Variants in CRACDL observed in about 807,000 individuals in gnomAD.
CRACDL encodes the protein CRACD-like protein.
In CRACDL, 26 loss-of-function variants were observed where a neutral mutation model predicts 70.6. That is an observed-to-expected ratio of 0.37 (90% confidence interval 0.27 to 0.51). CRACDL has a LOEUF of 0.51. Ranked by LOEUF, CRACDL falls within the 20% of genes least tolerant of loss-of-function variation. The pLI is 0.94. For synonymous variants in CRACDL, 618 were observed against 615.2 expected (o/e 1.00, Z -0.07); for missense variants, 1,283 against 1,376.9 (o/e 0.93, Z 1.08).
At chr2:98,854,863 G>C (rs1206388743) in intron 1 of CRACDL, among the ~76,000 whole-genome samples, 1 of 152,230 alleles carries the variant, frequency 6.6e-6, no homozygotes, top group Non-Finnish European at 1.5e-5. Flanking sequence ...TCCAGGACTG[G>C]AGAATGAGGA....
intron 1 of CRACDL, among the ~76,000 whole-genome samples, chr2:98,897,034 T>C (rs894030606): frequency 1.1e-4 from 17 of 152,166 alleles, no homozygotes; most frequent in African/African-American, 3.9e-4. Context: ...TGTAGAGTCA[T>C]GTAGCCACCA....
chr2:98,888,711 A>G lies in CRACDL; in HGVS notation c.-10-41901T>C, dbSNP rs1244574290. On this transcript the variant is annotated intron_variant, in intron 1 of 9. Coordinates refer to ENST00000397899, the MANE Select transcript of CRACDL (RefSeq NM_207362.3). ...AAATCACTCAAATACTCCAATTAAA[A>G]GGCAGAGGTTAATAGAATAAAATTT... Among the ~76,000 whole-genome samples the G allele has an allele frequency of 3.9e-5, 6 of 152,252 alleles. 1 individual carries two copies. The highest frequency in any genetic ancestry group is 3.9e-4 in the Admixed American group (6 of 15,286).
At position 98,807,868 on chromosome 2, in the gene CRACDL, T is replaced by C. The variant is rs1185220648; in HGVS notation, c.2417-10331A>G. ...CAGAAAGGTGAAGTATTATGGTGCC[T>C]TGACACCCAAGCCATTTTTGGGAAG... On this transcript the variant is annotated intron_variant, in intron 7 of 9. Transcript: ENST00000397899. Among the ~76,000 whole-genome samples the C allele has an allele frequency of 3.9e-5, 6 of 152,268 alleles. No homozygotes were observed. In the East Asian group the frequency reaches 1.2e-3, roughly 29 times the overall value.
chr2:98,826,221 A>AG (rs1705295102), intron 6 of CRACDL, among the ~76,000 whole-genome samples: 1 of 152,198 alleles, frequency 6.6e-6, no homozygotes. Flanking sequence ...ACACCCAAAG[A>AG]GGGGTCTGTC....
At chr2:98,837,339 G>A (rs1342852876) in intron 3 of CRACDL, among the ~76,000 whole-genome samples, 3 of 151,954 alleles carry the variant, frequency 2.0e-5, no homozygotes, top group Non-Finnish European at 2.9e-5. Context: ...AGAGGGGACA[G>A]GACACCACTA....
At chr2:98,908,964 C>T (rs1041225963) in intron 1 of CRACDL, among the ~76,000 whole-genome samples, 3 of 152,192 alleles carry the variant, frequency 2.0e-5, no homozygotes, top group African/African-American at 7.2e-5. Context: ...GGTCTACACA[C>T]GGAAAAAGCC....
chr2:98,808,543 G>A (rs1398927948), intron 7 of CRACDL, among the ~76,000 whole-genome samples: 1 of 152,138 alleles, frequency 6.6e-6, no homozygotes, highest in Non-Finnish European at 1.5e-5. Flanking sequence ...GAACTGGGCT[G>A]ACATCTGCCC....
intron 1 of CRACDL, among the ~76,000 whole-genome samples, chr2:98,886,042 T>G (rs1197100463): frequency 6.6e-6 from 1 of 152,232 alleles, no homozygotes; most frequent in Non-Finnish European, 1.5e-5. Context: ...TACAGCATTT[T>G]AGCTTGCCAT....
chr2:98,869,404 C>G, intron 1 of CRACDL: 1 of 626,336 alleles, frequency 1.6e-6, no homozygotes, highest in Non-Finnish European at 2.3e-6. Flanking sequence ...GCCTTCCACT[C>G]CAAGCCCTGA....
intron 1 of CRACDL, among the ~76,000 whole-genome samples, chr2:98,847,204 G>A (rs1446236412): frequency 3.3e-5 from 5 of 152,128 alleles, no homozygotes; most frequent in African/African-American, 1.2e-4. Context: ...GATAACCACA[G>A]TTAATGTTTT....
Position 98,821,981 on chromosome 2 carries a change from C to A in CRACDL, c.2292G>T (p.Arg764=). The A allele has an allele frequency of 1.3e-6, 2 of 1,531,194 alleles. No individual in the cohort carries two copies. The highest frequency in any genetic ancestry group is 1.8e-6 in the Non-Finnish European group (2 of 1,139,796). 94.9% of individuals were successfully genotyped at this position (1,531,194 alleles called of 1,614,324 possible). ...EPLSSKPPLP[R]KPLLQSFTLP... ...GCGTGAAGCTCTGCAGAAGCGGCTT[C>A]CGGGGCAGGGGCGGCTTGGAGCTGA... The change falls in exon 7 of 10, where the codon CGG becomes CGT. Residue 764 remains arginine (R), a synonymous_variant. Transcript: ENST00000397899.
intron 1 of CRACDL, among the ~76,000 whole-genome samples, chr2:98,883,144 T>C (rs930807142): frequency 6.6e-6 from 1 of 152,024 alleles, no homozygotes; most frequent in African/African-American, 2.4e-5. Context: ...GAGCTGCAAG[T>C]GGTGTTTGGG....
At chr2:98,926,702 T>G (rs901647664) in intron 1 of CRACDL, among the ~76,000 whole-genome samples, 2 of 152,224 alleles carry the variant, frequency 1.3e-5, no homozygotes, top group African/African-American at 4.8e-5. Context: ...CACAAAGGCC[T>G]GTTTGAAGAG....
intron 1 of CRACDL, among the ~76,000 whole-genome samples, chr2:98,867,184 G>A (rs1707181280): frequency 6.6e-6 from 1 of 152,138 alleles, no homozygotes; most frequent in African/African-American, 2.4e-5. Flanking sequence ...GAGATAAACA[G>A]CATAGTTTAT....
rs145115324 is a variant in CRACDL, at chr2:98,808,098, C to T, written c.2417-10561G>A. 2.6e-3 allele frequency among the ~76,000 whole-genome samples: 400 copies of T among 152,320 alleles called. 2 individuals carry two copies. Among genetic ancestry groups the T allele is most frequent in the African/African-American group, 9.1e-3 (380 of 41,576 alleles). On this transcript the variant is annotated intron_variant, in intron 7 of 9. Coordinates refer to ENST00000397899, the MANE Select transcript of CRACDL (RefSeq NM_207362.3). ...GCTTACATTTACATTTAAACAGCCACGTGCAGCTACTGGCTCTGTGTTAGA... is the reference window on the plus strand; with the variant it reads ...GCTTACATTTACATTTAAACAGCCATGTGCAGCTACTGGCTCTGTGTTAGA...
Position 98,822,434 on chromosome 2 carries a change from A to T in CRACDL, c.1839T>A (p.Leu613=). ...SGPVWRSEAA[L]DDLQGLPEPQ... Reference sequence around the variant, plus strand: ...GCTCGGGGAGACCCTGGAGGTCGTCAAGAGCCGCCTCGCTCCTCCAGACCG... The same window carrying T: ...GCTCGGGGAGACCCTGGAGGTCGTCTAGAGCCGCCTCGCTCCTCCAGACCG... The change falls in exon 7 of 10, where the codon CTT becomes CTA. Residue 613 remains leucine (L), a synonymous_variant. Coordinates refer to ENST00000397899, the MANE Select transcript of CRACDL (RefSeq NM_207362.3). This position sits in a 1 kb window ranked among gnomAD's most constrained non-coding sequence, Gnocchi z 4.9. 1 of 1,483,786 alleles carries T rather than the reference A, an allele frequency of 6.7e-7. No individual in the cohort carries two copies. The highest frequency in any genetic ancestry group is 1.5e-5 in the African/African-American group (1 of 68,076). 91.9% of individuals were successfully genotyped at this position (1,483,786 alleles called of 1,614,324 possible).
chr2:98,820,195 TGTGTA>T (rs1704968474), intron 7 of CRACDL, among the ~76,000 whole-genome samples: 1 of 152,050 alleles, frequency 6.6e-6, no homozygotes. Context: ...ACAACTTATT[TGTGTA>T]GTTTCATTTT....
intron 1 of CRACDL, among the ~76,000 whole-genome samples, chr2:98,858,360 C>T (rs1389862203): frequency 6.6e-6 from 1 of 151,720 alleles, no homozygotes; most frequent in East Asian, 1.9e-4. Flanking sequence ...ACCAAAAATA[C>T]AAAAATTAGC....
intron 9 of CRACDL, among the ~76,000 whole-genome samples, chr2:98,795,091 T>TTTTTTTTTTTTTG (rs1703760776): frequency 7.8e-6 from 1 of 128,434 alleles, no homozygotes; most frequent in Non-Finnish European, 1.6e-5. Flanking sequence ...TTTTTTTTTT[T>TTTTTTTTTTTTTG]TGAGACAGAA....
Sources: gnomAD v4.1 joint callset for allele counts (sites outside exome capture counted in the v4.1 genomes callset) on GRCh38, gnomAD v4.1.1 for gene constraint, Gnocchi (gnomAD v3.1) non-coding constraint, MANE v1.5 for transcripts, NCBI Gene and HGNC (gene_info 2026-07-23, HGNC 2026-07-21) for gene names.